Variants in CACNA2D1 observed in about 807,000 individuals in gnomAD.
CACNA2D1 encodes the protein calcium voltage-gated channel auxiliary subunit alpha2delta 1, also known as voltage-dependent calcium channel subunit alpha-2/delta-1.
In CACNA2D1, 53 loss-of-function variants were observed where a neutral mutation model predicts 171.5. The observed-to-expected ratio is 0.31, with a 90% CI of 0.25 to 0.39. The LOEUF (loss-of-function observed/expected upper bound fraction) is 0.39, where lower values mean the gene tolerates loss of function less well. Among genes scored for constraint, CACNA2D1 ranks in the 10% least tolerant of loss-of-function variants. CACNA2D1 has a pLI of 1.00. For synonymous variants in CACNA2D1, 442 were observed against 443.1 expected, an observed-to-expected ratio of 1.00 and a Z score of 0.03; for missense variants, 903 against 1,299.8, an observed-to-expected ratio of 0.69 and a Z score of 4.69.
intron 3 of CACNA2D1, among the ~76,000 whole-genome samples, chr7:82,183,390 T>C (rs1183688128): frequency 3.9e-5 from 6 of 152,130 alleles, no homozygotes; most frequent in African/African-American, 1.2e-4. Context: ...CAATAATACA[T>C]GGTAACTAAA....
chr7:82,095,413 C>T (rs1211863771), intron 6 of CACNA2D1, among the ~76,000 whole-genome samples: 2 of 152,084 alleles, frequency 1.3e-5, no homozygotes, highest in African/African-American at 2.4e-5. Context: ...GTAGGCACCA[C>T]GTTATTTTCC....
intron 3 of CACNA2D1, among the ~76,000 whole-genome samples, chr7:82,315,614 GA>G (rs999218287): frequency 4.0e-5 from 6 of 151,700 alleles, no homozygotes; most frequent in Non-Finnish European, 7.4e-5. Flanking sequence ...AGGTATGCCA[GA>G]AAAAAAATCA....
chr7:82,015,554 T>C (rs996966234), intron 12 of CACNA2D1, among the ~76,000 whole-genome samples: 1 of 152,110 alleles, frequency 6.6e-6, no homozygotes, highest in Non-Finnish European at 1.5e-5. Context: ...TTAATAAAAT[T>C]ATTTTTACAT....
intron 7 of CACNA2D1, among the ~76,000 whole-genome samples, chr7:82,075,923 G>A (rs1808910451): frequency 6.6e-6 from 1 of 152,138 alleles, no homozygotes; most frequent in Non-Finnish European, 1.5e-5. Context: ...GTTGAAAACA[G>A]CTAAATTTTT....
At chr7:82,031,647 A>G (rs1441431034) in intron 12 of CACNA2D1, among the ~76,000 whole-genome samples, 4 of 151,954 alleles carry the variant, frequency 2.6e-5, no homozygotes, top group African/African-American at 7.2e-5. Flanking sequence ...TCAAATACTC[A>G]TAGGCCGAAA....
chr7:82,064,194 CTTTG>C (rs1400035110), intron 9 of CACNA2D1, 106 bp downstream of exon 9: 4 of 647,634 alleles, frequency 6.2e-6, no homozygotes, highest in Admixed American at 2.5e-5. Context: ...CATAATTTTT[CTTTG>C]TTTCTTTTTT....
chr7:82,219,565 G>A (rs1029594441), intron 3 of CACNA2D1, among the ~76,000 whole-genome samples: 9 of 151,982 alleles, frequency 5.9e-5, no homozygotes, highest in African/African-American at 2.2e-4. Flanking sequence ...AATTCTAGGT[G>A]ACATTAAGTT....
chr7:82,371,755 A>G (rs185566019), intron 1 of CACNA2D1, among the ~76,000 whole-genome samples: 2 of 152,052 alleles, frequency 1.3e-5, no homozygotes, highest in East Asian at 3.9e-4. Flanking sequence ...TTGTGTTTTT[A>G]GTAGAGATGG....
intron 1 of CACNA2D1, among the ~76,000 whole-genome samples, chr7:82,378,476 A>G (rs188590490): frequency 2.0e-3 from 309 of 152,312 alleles, no homozygotes; most frequent in African/African-American, 7.0e-3. Flanking sequence ...ACTATATTCA[A>G]CATTATGAGT....
At chr7:81,962,417 A>T in intron 35 of CACNA2D1, 23 bp downstream of exon 35, 1 of 1,570,780 alleles carries the variant, frequency 6.4e-7, no homozygotes, top group Non-Finnish European at 8.7e-7. Context: ...TATGGCAATG[A>T]CAAGGTCTGA....
intron 3 of CACNA2D1, among the ~76,000 whole-genome samples, chr7:82,239,589 G>GAAA (rs1287481955): frequency 6.6e-5 from 10 of 152,084 alleles, no homozygotes; most frequent in Admixed American, 5.2e-4. Flanking sequence ...CTTTTCACTA[G>GAAA]AAAGAGACAA....
At chr7:81,989,557 G>A (rs1052079673) in intron 21 of CACNA2D1, among the ~76,000 whole-genome samples, 5 of 151,700 alleles carry the variant, frequency 3.3e-5, no homozygotes, top group Non-Finnish European at 7.4e-5. Context: ...AAGTGATCAA[G>A]AGTCATCTAC....
chr7:82,088,968 C>T (rs1439174977), intron 6 of CACNA2D1, among the ~76,000 whole-genome samples: 2 of 151,978 alleles, frequency 1.3e-5, no homozygotes, highest in African/African-American at 4.8e-5. Flanking sequence ...AGGGTTCATG[C>T]TCCTATGAGA....
intron 18 of CACNA2D1, among the ~76,000 whole-genome samples, chr7:82,002,021 CAAAAAAAAAAA>C (rs35861959): frequency 2.2e-5 from 2 of 89,438 alleles, no homozygotes; most frequent in East Asian, 7.6e-4. Flanking sequence ...ATTGATTTGA[CAAAAAAAAAAA>C]AAAAAAAAAA....
intron 36 of CACNA2D1, among the ~76,000 whole-genome samples, chr7:81,960,797 T>A (rs1794018181): frequency 6.6e-6 from 1 of 152,026 alleles, no homozygotes; most frequent in Non-Finnish European, 1.5e-5. Flanking sequence ...CTCTGATGTA[T>A]CCAATAAACA....
At chr7:82,022,197 G>A (rs1225286754) in intron 12 of CACNA2D1, among the ~76,000 whole-genome samples, 1 of 149,708 alleles carries the variant, frequency 6.7e-6, no homozygotes, top group Non-Finnish European at 1.5e-5. Context: ...AGAAACAAGT[G>A]TAAATAAATG....
At chr7:82,075,849 A>T (rs571836061) in intron 7 of CACNA2D1, among the ~76,000 whole-genome samples, 1 of 152,230 alleles carries the variant, frequency 6.6e-6, no homozygotes, top group African/African-American at 2.4e-5. Context: ...AATGAATGGC[A>T]TAAGTACAGA....
At chr7:82,094,249 A>C (rs1216040844) in intron 6 of CACNA2D1, among the ~76,000 whole-genome samples, 1 of 152,164 alleles carries the variant, frequency 6.6e-6, no homozygotes, top group Non-Finnish European at 1.5e-5. Flanking sequence ...AGAAAAAAAA[A>C]AACTATATAC....
chr7:81,982,787 T>C (rs749330021), intron 23 of CACNA2D1, 160 bp from the exon 24 acceptor site: 1 of 693,106 alleles, frequency 1.4e-6, no homozygotes, highest in Non-Finnish European at 2.6e-6. Flanking sequence ...ATAAATGTCC[T>C]CAATGCTTCC....
Sources: gnomAD v4.1 joint callset for allele counts (sites outside exome capture counted in the v4.1 genomes callset) on GRCh38, gnomAD v4.1.1 for gene constraint, MANE v1.5 for transcripts, NCBI Gene and HGNC (gene_info 2026-07-23, HGNC 2026-07-21) for gene names.